The following NEDD4L variants were observed in gnomAD, a reference collection of about 807,000 sequenced individuals.
NEDD4L encodes E3 ubiquitin-protein ligase NEDD4-like.
In NEDD4L, 54 loss-of-function variants were observed where a neutral mutation model predicts 148.9. That is an observed-to-expected ratio of 0.36 (90% CI 0.29 to 0.45). The LOEUF (loss-of-function observed/expected upper bound fraction) is 0.45. Ranked by LOEUF, NEDD4L falls within the 20% of genes least tolerant of loss-of-function variation. The pLI is 1.00. For missense variants in NEDD4L, 856 were observed against 1,233.8 expected (o/e 0.69, Z 4.59); for synonymous variants, 433 against 440.7 (o/e 0.98, Z 0.22).
intron 1 of NEDD4L, among the ~76,000 whole-genome samples, chr18:58,153,927 G>A (rs1197773630): frequency 6.6e-6 from 1 of 152,186 alleles, no homozygotes; most frequent in South Asian, 2.1e-4. Flanking sequence ...GATTACAGGC[G>A]TGAGTCACCG....
chr18:58,359,281 G>A (rs1407020637), intron 19 of NEDD4L, among the ~76,000 whole-genome samples: 2 of 152,042 alleles, frequency 1.3e-5, no homozygotes, highest in African/African-American at 4.8e-5. Context: ...TTGTTCAATT[G>A]ATAGAGTACT....
chr18:58,215,729 A>G (rs1192181060), intron 2 of NEDD4L, among the ~76,000 whole-genome samples: 2 of 152,250 alleles, frequency 1.3e-5, no homozygotes, highest in Non-Finnish European at 2.9e-5. Flanking sequence ...AGAGGAAAAA[A>G]CAGAAAAAAC....
At chr18:58,309,522 C>T (rs190899563) in intron 5 of NEDD4L, among the ~76,000 whole-genome samples, 65 of 152,130 alleles carry the variant, frequency 4.3e-4, no homozygotes, top group African/African-American at 1.5e-3. Context: ...TGAGGATGTG[C>T]GGGGAGAGAT....
intron 24 of NEDD4L, among the ~76,000 whole-genome samples, chr18:58,383,030 A>C (rs1260185627): frequency 6.6e-6 from 1 of 152,212 alleles, no homozygotes; most frequent in Non-Finnish European, 1.5e-5. Flanking sequence ...GTCATAAATA[A>C]CCATAAAACA....
chr18:58,345,851 C>T (rs942890920), intron 16 of NEDD4L, among the ~76,000 whole-genome samples: 42 of 152,144 alleles, frequency 2.8e-4, no homozygotes, highest in African/African-American at 8.9e-4. Context: ...ATGCGATTCT[C>T]TTGCCTCAGC....
intron 2 of NEDD4L, among the ~76,000 whole-genome samples, chr18:58,229,326 G>A (rs2044773117): frequency 6.6e-6 from 1 of 152,178 alleles, no homozygotes; most frequent in Admixed American, 6.5e-5. Flanking sequence ...GCTGCAGGTA[G>A]GCATGCTCCC....
At chr18:58,193,569 ATT>A (rs1568362131) in intron 2 of NEDD4L, among the ~76,000 whole-genome samples, 1 of 152,126 alleles carries the variant, frequency 6.6e-6, no homozygotes, top group Non-Finnish European at 1.5e-5. Context: ...TAAATAATGA[ATT>A]TTCCAATTTC....
chr18:58,279,413 G>A (rs1354952464), intron 5 of NEDD4L, among the ~76,000 whole-genome samples: 1 of 152,280 alleles, frequency 6.6e-6, no homozygotes, highest in Non-Finnish European at 1.5e-5. Flanking sequence ...TGAAAGGTGC[G>A]ACCAAGGGTC....
In NEDD4L at chr18:58,256,307, A is replaced by G; in HGVS notation, c.297+4253A>G. 8.1e-7 allele frequency: 1 copy of G among 1,231,798 alleles called. No individual in the cohort carries two copies. Among genetic ancestry groups the G allele is most frequent in the Non-Finnish European group, 1.0e-6 (1 of 987,856 alleles). The allele number at this position is 1,231,798 out of a possible 1,614,324, so 76.3% of individuals were successfully genotyped here. A position where few individuals can be genotyped will look rare whatever the true frequency, so the allele number is the denominator to read the frequency against. ...GGGCGGCCCGGCCGCGGCAGAGCCC[A>G]GGCGCTGGTCCCTGCAGCACGTTCC... On this transcript the variant is annotated intron_variant, in intron 5 of 30. Transcript: ENST00000400345. This position sits in a 1 kb window ranked among gnomAD's most constrained non-coding sequence, Gnocchi z 5.2.
intron 4 of NEDD4L, among the ~76,000 whole-genome samples, chr18:58,249,316 CAT>C (rs2047634115): frequency 1.3e-5 from 2 of 152,050 alleles, no homozygotes; most frequent in African/African-American, 2.4e-5. Context: ...TAAAAAGAAA[CAT>C]AAAAATTACC....
chr18:58,081,275 G>A (rs1055750356), intron 1 of NEDD4L, among the ~76,000 whole-genome samples: 2 of 146,392 alleles, frequency 1.4e-5, no homozygotes, highest in African/African-American at 2.6e-5. Flanking sequence ...GAGTGCAGTG[G>A]CGCGATCTCG....
intron 2 of NEDD4L, among the ~76,000 whole-genome samples, chr18:58,241,056 C>A (rs2046575037): frequency 6.6e-6 from 1 of 152,114 alleles, no homozygotes; most frequent in Admixed American, 6.5e-5. Flanking sequence ...GTGATCTGCC[C>A]ACCCCGGCCT....
chr18:58,164,905 A>C lies in NEDD4L; in HGVS notation c.49-883A>C, dbSNP rs988895050. ...CCCCATTTAGTGATACATGTTTTCC[A>C]TCCAATTGCTTCATAGACACCTTGG... On this transcript the variant is annotated intron_variant, in intron 1 of 30. Coordinates refer to ENST00000400345, the MANE Select transcript of NEDD4L (RefSeq NM_001144967.3). 2.6e-5 allele frequency among the ~76,000 whole-genome samples: 4 copies of C among 152,228 alleles called. No homozygotes were observed. The South Asian group carries it at 8.3e-4, about 32-fold the overall frequency.
chr18:58,383,359 T>G (rs2048589208), intron 25 of NEDD4L, 40 bp downstream of exon 25: 1 of 1,103,696 alleles, frequency 9.1e-7, no homozygotes, highest in Non-Finnish European at 1.3e-6. Flanking sequence ...TTTGAATAAT[T>G]GAAATGCATG....
chr18:58,390,503 A>G (rs1236438063), intron 28 of NEDD4L, 143 bp from the exon 29 acceptor site: 2 of 588,936 alleles, frequency 3.4e-6, no homozygotes, highest in East Asian at 2.8e-5. Flanking sequence ...TTGTGGCCAT[A>G]AAAAACCTAC....
chr18:58,119,973 C>G (rs546098041), intron 1 of NEDD4L, among the ~76,000 whole-genome samples: 1 of 152,346 alleles, frequency 6.6e-6, no homozygotes, highest in Non-Finnish European at 1.5e-5. Context: ...GATTGGCACA[C>G]ATCGCATTGT....
intron 9 of NEDD4L, 72 bp downstream of exon 9, chr18:58,325,234 T>C: frequency 6.4e-7 from 1 of 1,557,634 alleles, no homozygotes; most frequent in South Asian, 1.1e-5. Flanking sequence ...GGCGGCCCTT[T>C]GGGACAAGGC....
chr18:58,059,408 C>G (rs1318522718), intron 1 of NEDD4L, among the ~76,000 whole-genome samples: 2 of 152,328 alleles, frequency 1.3e-5, no homozygotes, highest in East Asian at 1.9e-4. Flanking sequence ...CCCAGAGGCT[C>G]TTAAAAGGGC....
chr18:58,054,094 T>A lies in NEDD4L; in HGVS notation c.48+9386T>A. Among the ~76,000 whole-genome samples the A allele has an allele frequency of 1.3e-5, 2 of 152,356 alleles. 1 individual carries two copies. The highest frequency in any genetic ancestry group is 3.9e-4 in the East Asian group (2 of 5,192). On this transcript the variant is annotated intron_variant, in intron 1 of 30. Transcript: ENST00000400345. ...TTTTATTTACATGTATAAGTTCTTT[T>A]TTTCTTAATGCTGGAAGTTACTTTG...
Sources: gnomAD v4.1 joint callset for allele counts (sites outside exome capture counted in the v4.1 genomes callset) on GRCh38, gnomAD v4.1.1 for gene constraint, Gnocchi (gnomAD v3.1) non-coding constraint, MANE v1.5 for transcripts, NCBI Gene and HGNC (gene_info 2026-07-23, HGNC 2026-07-21) for gene names.